CDH2: variants seen among roughly 807,000 people sequenced by gnomAD.
CDH2 encodes the protein cadherin 2.
CDH2 carries 17 observed loss-of-function variants against 92.0 expected under a neutral mutation model. That is an observed-to-expected ratio of 0.18 (90% CI 0.13 to 0.28). CDH2 has a LOEUF of 0.28. Ranked by LOEUF, CDH2 falls within the 10% of genes least tolerant of loss-of-function variation. CDH2 has a pLI of 1.00. For synonymous variants in CDH2, 419 were observed against 415.9 expected (o/e 1.01, Z -0.09); for missense variants, 862 against 1,133.1 (o/e 0.76, Z 3.44).
At chr18:27,940,322 G>A (rs368776687) in intron 6 of CDH2, among the ~76,000 whole-genome samples, 3 of 152,108 alleles carry the variant, frequency 2.0e-5, no homozygotes, top group Non-Finnish European at 2.9e-5. Context: ...CCTGCATGGC[G>A]GGTTCAGTTG....
At chr18:28,035,119 T>C (rs1315799759) in intron 2 of CDH2, among the ~76,000 whole-genome samples, 1 of 152,098 alleles carries the variant, frequency 6.6e-6, no homozygotes, top group Non-Finnish European at 1.5e-5. Context: ...TTAGGAGATA[T>C]GTGGCAAGAA....
intron 2 of CDH2, among the ~76,000 whole-genome samples, chr18:28,118,697 C>A (rs1172081128): frequency 6.6e-6 from 1 of 151,838 alleles, no homozygotes; most frequent in African/African-American, 2.4e-5. Context: ...AAATAGTGCA[C>A]CTAAGGAAGG....
At chr18:28,152,985 G>A (rs1030636663) in intron 1 of CDH2, among the ~76,000 whole-genome samples, 4 of 152,164 alleles carry the variant, frequency 2.6e-5, no homozygotes, top group African/African-American at 9.7e-5. Flanking sequence ...CTGAGTGGCT[G>A]TGAACACGGG....
chr18:27,973,752 G>A (rs1226148120), intron 14 of CDH2, among the ~76,000 whole-genome samples: 1 of 152,104 alleles, frequency 6.6e-6, no homozygotes, highest in Admixed American at 6.6e-5. Flanking sequence ...AGGGAATTAG[G>A]AGTGGAAGGG....
rs17536933 is a variant in CDH2, at chr18:28,169,919, T to C, written c.60+7044A>G. 4.2e-3 allele frequency among the ~76,000 whole-genome samples: 637 copies of C among 152,340 alleles called. 4 individuals are homozygous for C. Among genetic ancestry groups the C allele is most frequent in the African/African-American group, 0.015 (605 of 41,578 alleles). ...ACTAAATGTTCTTCTGTATCTCCAG[T>C]TCCACATACTAGTAAGGTCCACTTT... On this transcript the variant is annotated intron_variant, in intron 1 of 15. Coordinates refer to ENST00000269141, the MANE Select transcript of CDH2 (RefSeq NM_001792.5).
intron 15 of CDH2, among the ~76,000 whole-genome samples, chr18:27,955,761 G>GTTTTTTTGTTTTTTTTTT (rs2011229961): frequency 9.0e-6 from 1 of 111,714 alleles, no homozygotes; most frequent in African/African-American, 3.6e-5. Context: ...CTTTATTTCT[G>GTTTTTTTGTTTTTTTTTT]TTTTTTTTTT....
At chr18:28,147,894 C>A in intron 1 of CDH2, 110 bp from the exon 2 acceptor site, 1 of 636,242 alleles carries the variant, frequency 1.6e-6, no homozygotes. Context: ...CTTGTACAAA[C>A]AACCCCTTTG....
intron 2 of CDH2, among the ~76,000 whole-genome samples, chr18:28,075,880 G>T (rs1224338927): frequency 1.3e-5 from 2 of 152,176 alleles, no homozygotes; most frequent in African/African-American, 4.8e-5. Context: ...CTTGCTTTGG[G>T]ATGAGGAATA....
chr18:28,132,047 A>T (rs940401682), intron 2 of CDH2, among the ~76,000 whole-genome samples: 2 of 152,172 alleles, frequency 1.3e-5, no homozygotes, highest in Non-Finnish European at 2.9e-5. Flanking sequence ...CTCATTGAAA[A>T]AGCACAGCAG....
chr18:28,061,244 A>G (rs2014396902), intron 2 of CDH2, among the ~76,000 whole-genome samples: 2 of 152,322 alleles, frequency 1.3e-5, no homozygotes, highest in East Asian at 1.9e-4. Flanking sequence ...TTAAAGCAAA[A>G]TTTGTACACA....
chr18:28,166,339 T>TCGACG (rs899690420), intron 1 of CDH2, among the ~76,000 whole-genome samples: 1 of 151,780 alleles, frequency 6.6e-6, no homozygotes, highest in Non-Finnish European at 1.5e-5. Context: ...TCCACTGTTA[T>TCGACG]CGACGTTTGA....
At chr18:27,976,673 C>T (rs755190713) in intron 14 of CDH2, among the ~76,000 whole-genome samples, 17 of 152,074 alleles carry the variant, frequency 1.1e-4, no homozygotes, top group Non-Finnish European at 2.4e-4. Flanking sequence ...ATTTCAATAA[C>T]GAAATAATGT....
At chr18:28,171,232 A>AG (rs2016460243) in intron 1 of CDH2, among the ~76,000 whole-genome samples, 1 of 151,840 alleles carries the variant, frequency 6.6e-6, no homozygotes, top group South Asian at 2.1e-4. Context: ...CTTTAAAAAA[A>AG]AAAAAAAAAA....
intron 2 of CDH2, among the ~76,000 whole-genome samples, chr18:28,090,193 T>TG: frequency 6.6e-6 from 1 of 152,324 alleles, no homozygotes; most frequent in Middle Eastern, 3.4e-3. Flanking sequence ...GTAATTGTTC[T>TG]TTTTTGCATC....
At chr18:28,118,984 T>C (rs1200196608) in intron 2 of CDH2, among the ~76,000 whole-genome samples, 2 of 152,084 alleles carry the variant, frequency 1.3e-5, no homozygotes, top group Non-Finnish European at 2.9e-5. Context: ...CCCTGACATG[T>C]CCTATATACC....
intron 2 of CDH2, among the ~76,000 whole-genome samples, chr18:28,069,664 T>G (rs904919409): frequency 4.6e-5 from 7 of 152,156 alleles, no homozygotes; most frequent in Non-Finnish European, 1.0e-4. Flanking sequence ...CAGACTTGTT[T>G]GATACCTGTG....
chr18:28,109,724 C>T (rs140791761), intron 2 of CDH2, among the ~76,000 whole-genome samples: 5 of 152,268 alleles, frequency 3.3e-5, no homozygotes, highest in African/African-American at 1.2e-4. Flanking sequence ...TTCTCTAACA[C>T]TTAAGTATAT....
chr18:27,937,302 G>A (rs17492966), intron 6 of CDH2, among the ~76,000 whole-genome samples: 1,948 of 152,168 alleles, frequency 0.013, 42 homozygotes, highest in African/African-American at 0.043. Context: ...AATCTGGATC[G>A]TAGAATTAGA....
intron 1 of CDH2, among the ~76,000 whole-genome samples, chr18:28,165,459 T>A (rs2016364141): frequency 1.3e-5 from 2 of 152,162 alleles, no homozygotes; most frequent in Non-Finnish European, 2.9e-5. Flanking sequence ...CCCAAAGTAT[T>A]GGAATTACAA....
Sources: gnomAD v4.1 joint callset for allele counts (sites outside exome capture counted in the v4.1 genomes callset) on GRCh38, gnomAD v4.1.1 for gene constraint, MANE v1.5 for transcripts, NCBI Gene and HGNC (gene_info 2026-07-23, HGNC 2026-07-21) for gene names.